Variants in FAM13C observed in about 807,000 individuals in gnomAD.
FAM13C encodes the protein family with sequence similarity 13 member C.
Under a neutral mutation model 73.2 loss-of-function variants are expected in FAM13C, and 37 were observed. The observed-to-expected ratio is 0.51, with a 90% confidence interval of 0.39 to 0.67. The LOEUF (loss-of-function observed/expected upper bound fraction) is 0.67. Ranked by LOEUF, FAM13C falls within the 30% of genes least tolerant of loss-of-function variation. The pLI, the probability that FAM13C is intolerant of heterozygous loss-of-function variation, is 0.00. For missense variants in FAM13C, 589 were observed against 715.6 expected (o/e 0.82, Z 2.02); for synonymous variants, 246 against 260.9 (o/e 0.94, Z 0.55).
At chr10:59,256,366 C>T (rs1208907510) in intron 10 of FAM13C, among the ~76,000 whole-genome samples, 2 of 151,850 alleles carry the variant, frequency 1.3e-5, no homozygotes, top group African/African-American at 4.8e-5. Flanking sequence ...AATGTATTCC[C>T]CAGATTCTAG....
At chr10:59,334,398 A>C (rs1852441385) in intron 3 of FAM13C, among the ~76,000 whole-genome samples, 2 of 152,286 alleles carry the variant, frequency 1.3e-5, no homozygotes, top group African/African-American at 2.4e-5. Flanking sequence ...AATATGTCAA[A>C]ACTTACTGGG....
chr10:59,348,885 C>T (rs572243674), intron 3 of FAM13C, among the ~76,000 whole-genome samples: 7 of 152,160 alleles, frequency 4.6e-5, no homozygotes, highest in South Asian at 2.1e-4. Flanking sequence ...CCACCCGCCT[C>T]GGTCTTACAA....
chr10:59,287,837 C>T (rs1262824869), intron 5 of FAM13C, among the ~76,000 whole-genome samples: 4 of 152,164 alleles, frequency 2.6e-5, no homozygotes, highest in Admixed American at 2.0e-4. Context: ...CAAAGGCTGC[C>T]GGATAGAGCT....
chr10:59,291,536 A>G (rs1366161660), intron 5 of FAM13C, among the ~76,000 whole-genome samples: 1 of 152,132 alleles, frequency 6.6e-6, no homozygotes, highest in Admixed American at 6.5e-5. Context: ...CACTTTAAGG[A>G]GCCTTCTGTT....
chr10:59,336,534 T>C (rs941391880), intron 3 of FAM13C, among the ~76,000 whole-genome samples: 4 of 152,294 alleles, frequency 2.6e-5, no homozygotes, highest in Non-Finnish European at 5.9e-5. Flanking sequence ...AAGCCAAGAT[T>C]AGGGTGTGTA....
intron 3 of FAM13C, among the ~76,000 whole-genome samples, chr10:59,331,232 T>G: frequency 6.6e-6 from 1 of 152,050 alleles, no homozygotes; most frequent in Admixed American, 6.5e-5. Flanking sequence ...ACAAAGTGTG[T>G]GATGCTTTGA....
chr10:59,353,798 C>T (rs968515802), intron 2 of FAM13C, among the ~76,000 whole-genome samples: 43 of 152,106 alleles, frequency 2.8e-4, no homozygotes, highest in Admixed American at 1.5e-3. Flanking sequence ...CCAGAACAAA[C>T]GTAGTGCTAT....
At chr10:59,280,811 C>T (rs144187246) in intron 6 of FAM13C, among the ~76,000 whole-genome samples, 142 of 152,290 alleles carry the variant, frequency 9.3e-4, no homozygotes, top group African/African-American at 3.1e-3. Flanking sequence ...TGGAACTGAT[C>T]TTGGCAACCC....
intron 5 of FAM13C, among the ~76,000 whole-genome samples, chr10:59,286,714 A>G (rs1241663004): frequency 6.6e-6 from 1 of 151,296 alleles, no homozygotes; most frequent in Non-Finnish European, 1.5e-5. Context: ...ACTGTACTTA[A>G]TGTCACTGAA....
intron 5 of FAM13C, among the ~76,000 whole-genome samples, chr10:59,283,952 A>G (rs1845237846): frequency 1.3e-5 from 2 of 152,096 alleles, no homozygotes; most frequent in South Asian, 4.1e-4. Flanking sequence ...TGCAGTGCAC[A>G]AAGAGTTACT....
intron 4 of FAM13C, among the ~76,000 whole-genome samples, chr10:59,322,229 T>A (rs1850413355): frequency 6.6e-6 from 1 of 152,202 alleles, no homozygotes; most frequent in Non-Finnish European, 1.5e-5. Context: ...CATTAGAATG[T>A]CCCTTGGTGA....
chr10:59,341,035 A>G (rs1376177050), intron 3 of FAM13C, among the ~76,000 whole-genome samples: 1 of 152,044 alleles, frequency 6.6e-6, no homozygotes, highest in Non-Finnish European at 1.5e-5. Context: ...AAGAGGTGGG[A>G]GGCGTAATGC....
Position 59,254,463 on chromosome 10 carries a change from T to C in FAM13C, c.1237-20A>G. 7.3e-7 allele frequency: 1 copy of C among 1,371,860 alleles called. No homozygotes were observed. Among genetic ancestry groups the C allele is most frequent in the Non-Finnish European group, 9.7e-7 (1 of 1,026,186 alleles). 85.0% of individuals were successfully genotyped at this position (1,371,860 alleles called of 1,614,324 possible). A position where few individuals can be genotyped will look rare whatever the true frequency, so the allele number is the denominator to read the frequency against. On this transcript the variant is annotated intron_variant, in intron 10 of 13. Coordinates refer to ENST00000618804, the MANE Select transcript of FAM13C (RefSeq NM_198215.4). Reference sequence around the variant, plus strand: ...AGTTACCTGAAAAACATGAAATTAATTATTATTCCTCTCTCAGACAAGAAT... The same window carrying C: ...AGTTACCTGAAAAACATGAAATTAACTATTATTCCTCTCTCAGACAAGAAT...
rs994583874 is a variant in FAM13C, at chr10:59,296,002, T to C, written c.507+6799A>G. Among the ~76,000 whole-genome samples, 6 of 152,052 alleles carry C rather than the reference T, an allele frequency of 3.9e-5. 1 individual carries two copies. The highest frequency in any genetic ancestry group is 1.2e-4 in the African/African-American group (5 of 41,398). ...TACTTTTTAAAACACCCTCACTCAA[T>C]CCCAAACTAAGGCCTAACCCTATAG... On this transcript the variant is annotated intron_variant, in intron 5 of 13. Coordinates refer to ENST00000618804, the MANE Select transcript of FAM13C (RefSeq NM_198215.4).
chr10:59,312,297 G>C lies in FAM13C; in HGVS notation c.444-9433C>G, dbSNP rs148749765. Among the ~76,000 whole-genome samples the C allele has an allele frequency of 6.7e-3, 1,014 of 152,238 alleles. 12 individuals carry two copies. Among genetic ancestry groups the C allele is most frequent in the African/African-American group, 0.022 (929 of 41,520 alleles). Reference sequence around the variant, plus strand: ...ATTTTTCAAGGCACAGGGGATTTGAGTAGGCATTAATATTAATCAAGCCTA... The same window carrying C: ...ATTTTTCAAGGCACAGGGGATTTGACTAGGCATTAATATTAATCAAGCCTA... On this transcript the variant is annotated intron_variant, in intron 4 of 13. Coordinates refer to ENST00000618804, the MANE Select transcript of FAM13C (RefSeq NM_198215.4).
At chr10:59,260,731 G>A (rs1323359723) in intron 10 of FAM13C, among the ~76,000 whole-genome samples, 1 of 152,022 alleles carries the variant, frequency 6.6e-6, no homozygotes, top group East Asian at 1.9e-4. Flanking sequence ...CCCCCCAATG[G>A]CTTCGATATC....
At chr10:59,344,427 C>T (rs1362124496) in intron 3 of FAM13C, among the ~76,000 whole-genome samples, 9 of 148,046 alleles carry the variant, frequency 6.1e-5, no homozygotes, top group African/African-American at 9.9e-5. Flanking sequence ...TACAGGCGCC[C>T]GCCACCACGC....
intron 10 of FAM13C, among the ~76,000 whole-genome samples, chr10:59,261,495 AT>A (rs1842498881): frequency 6.6e-6 from 1 of 152,182 alleles, no homozygotes; most frequent in African/African-American, 2.4e-5. Context: ...AAAATTAAAT[AT>A]GCTAGTTTGT....
intron 5 of FAM13C, among the ~76,000 whole-genome samples, chr10:59,291,369 C>G (rs1179366228): frequency 6.6e-6 from 1 of 152,138 alleles, no homozygotes; most frequent in Non-Finnish European, 1.5e-5. Context: ...GGACTTTTGG[C>G]GAATCCCTCT....
Sources: allele counts gnomAD v4.1 joint callset (sites outside exome capture counted in the v4.1 genomes callset), GRCh38; gene constraint gnomAD v4.1.1; transcripts MANE v1.5; gene names NCBI Gene and HGNC (gene_info 2026-07-23, HGNC 2026-07-21).